The following LNX2 variants were observed in gnomAD, a reference collection of about 807,000 sequenced individuals.
LNX2 encodes the protein ligand of Numb protein X 2.
LNX2 carries 35 observed loss-of-function variants against 66.2 expected under a neutral mutation model. The observed-to-expected ratio is 0.53, with a 90% CI of 0.40 to 0.70. The LOEUF is 0.70. Among genes scored for constraint, LNX2 ranks in the 30% least tolerant of loss-of-function variants. The probability of loss-of-function intolerance (pLI) is 0.00; values close to 1 mark genes in which losing one functional copy is unlikely to be tolerated. For synonymous variants in LNX2, 337 were observed against 315.6 expected (o/e 1.07, Z -0.72); for missense variants, 791 against 850.8 (o/e 0.93, Z 0.87).
chr13:27,569,251 C>T lies in LNX2; in HGVS notation c.433G>A (p.Val145Ile), dbSNP rs61751716. 5.4e-3 allele frequency: 8,743 copies of T among 1,613,002 alleles called. 32 individuals are homozygous for T. Among genetic ancestry groups the T allele is most frequent in the Non-Finnish European group, 6.6e-3 (7,792 of 1,179,546 alleles). Reference protein sequence around the residue: ...NRCPGASHRRVALERRKTSRT... With the variant: ...NRCPGASHRRIALERRKTSRT... ...CTAGTTTTCCTTCTCTCCAGGGCAA[C>T]TCTCCGATGAGAAGCTCCAGGACAT... Residue 145 changes from valine (V) to isoleucine (I), a missense_variant, in exon 3 of 10, where the codon GTT becomes ATT. Physicochemically the swap from Val to Ile is conservative, Grantham distance 29. Transcript: ENST00000316334.
Position 27,577,504 on chromosome 13 carries a change from T to C in LNX2, c.407+3793A>G, listed in dbSNP as rs190963454. Among the ~76,000 whole-genome samples, 398 of 152,210 alleles carry C rather than the reference T, an allele frequency of 2.6e-3. 2 individuals carry two copies. Among genetic ancestry groups the C allele is most frequent in the South Asian group, 9.3e-3 (45 of 4,816 alleles). On this transcript the variant is annotated intron_variant, in intron 2 of 9. Coordinates refer to ENST00000316334, the MANE Select transcript of LNX2 (RefSeq NM_153371.4). ...CACACGGGAAGAAGAATAATTGTCT[T>C]GGTCCACACATAAAATACACTAACA...
intron 1 of LNX2, among the ~76,000 whole-genome samples, chr13:27,586,876 C>A (rs928685918): frequency 6.6e-6 from 1 of 152,148 alleles, no homozygotes; most frequent in Non-Finnish European, 1.5e-5. Flanking sequence ...TCTTGAAAAA[C>A]AGCCAGTGCA....
At position 27,559,874 on chromosome 13, in the gene LNX2, G is replaced by A. The variant is rs563661536; in HGVS notation, c.1336C>T (p.Pro446Ser). The change falls in exon 6 of 10, where the codon CCA becomes TCA. Residue 446 changes from proline to serine, a missense_variant. Physicochemically the swap from Pro to Ser is moderately conservative, Grantham distance 74. Transcript: ENST00000316334. ...HSSSSQHHTP[P>S]PYYSRPSSHK... The stretch of plus-strand genomic sequence containing the variant: ...GAGCTTGGTCTGCTATAATACGGTG[G>A]TGGTGTGTGGTGCTGGCTGCTGCTG... 1.9e-6 allele frequency: 3 copies of A among 1,608,692 alleles called. No homozygotes were observed. In the South Asian group the frequency reaches 3.3e-5, roughly 18 times the overall value.
intron 1 of LNX2, among the ~76,000 whole-genome samples, chr13:27,585,759 T>C (rs1402513434): frequency 6.6e-6 from 1 of 151,840 alleles, no homozygotes; most frequent in Admixed American, 6.6e-5. Context: ...CTCTTTGTGA[T>C]AGTGTTTATT....
chr13:27,608,769 G>C (rs1173182638), intron 1 of LNX2, among the ~76,000 whole-genome samples: 2 of 139,808 alleles, frequency 1.4e-5, no homozygotes, highest in Non-Finnish European at 3.2e-5. Context: ...ATAAATCCTA[G>C]TGTACTTAGA....
intron 2 of LNX2, among the ~76,000 whole-genome samples, chr13:27,575,957 A>T (rs1204996329): frequency 6.6e-6 from 1 of 152,200 alleles, no homozygotes; most frequent in Non-Finnish European, 1.5e-5. Flanking sequence ...CAAACAGCAA[A>T]ATGGCAAATG....
chr13:27,608,521 T>C (rs940091280), intron 1 of LNX2, among the ~76,000 whole-genome samples: 12 of 152,208 alleles, frequency 7.9e-5, no homozygotes, highest in Admixed American at 1.3e-4. Context: ...TAAGCATGTA[T>C]TAATTTTAAA....
intron 2 of LNX2, among the ~76,000 whole-genome samples, chr13:27,579,076 C>T (rs1189942280): frequency 6.6e-6 from 1 of 152,178 alleles, no homozygotes; most frequent in Non-Finnish European, 1.5e-5. Context: ...TACAACCCGG[C>T]ATTAGATTCT....
chr13:27,582,238 A>G (rs947970818), intron 1 of LNX2, among the ~76,000 whole-genome samples: 1 of 151,988 alleles, frequency 6.6e-6, no homozygotes, highest in African/African-American at 2.4e-5. Context: ...TCCATGGTGG[A>G]AAGCCCAGGG....
intron 8 of LNX2, among the ~76,000 whole-genome samples, chr13:27,553,006 A>T (rs1190620604): frequency 6.6e-6 from 1 of 152,228 alleles, no homozygotes. Context: ...GAATGGACAC[A>T]ACTGCTTTCT....
At chr13:27,584,375 A>G (rs1593253690) in intron 1 of LNX2, among the ~76,000 whole-genome samples, 1 of 145,054 alleles carries the variant, frequency 6.9e-6, no homozygotes, top group Middle Eastern at 3.6e-3. Flanking sequence ...ATATGGTAGG[A>G]CCCTGTCTCT....
At chr13:27,585,357 G>A (rs1368303363) in intron 1 of LNX2, among the ~76,000 whole-genome samples, 6 of 151,968 alleles carry the variant, frequency 3.9e-5, no homozygotes, top group Non-Finnish European at 8.8e-5. Context: ...GGGAGGCGGA[G>A]CTTGCAGTGA....
Position 27,547,367 on chromosome 13 carries a change from T to C in LNX2, c.*968A>G, listed in dbSNP as rs1364844735. The C allele has an allele frequency of 6.6e-6, 1 of 152,232 alleles. No individual in the cohort carries two copies. Among genetic ancestry groups the C allele is most frequent in the Non-Finnish European group, 1.5e-5 (1 of 68,036 alleles). 9.4% of individuals were successfully genotyped at this position (152,232 alleles called of 1,614,324 possible). A position where few individuals can be genotyped will look rare whatever the true frequency, so the allele number is the denominator to read the frequency against. On this transcript the variant is annotated 3_prime_UTR_variant, in exon 10 of 10. Transcript: ENST00000316334. ...ACCATCTCTAACATTAAGTTATAAT[T>C]ATCATCCAAATTCCTTTGTAACTGG...
chr13:27,585,601 C>A (rs1368214140), intron 1 of LNX2, among the ~76,000 whole-genome samples: 1 of 152,094 alleles, frequency 6.6e-6, no homozygotes, highest in Non-Finnish European at 1.5e-5. Flanking sequence ...AGTGCAAGTA[C>A]ATGAGATTAA....
Position 27,581,324 on chromosome 13 carries a change from C to T in LNX2, c.380G>A (p.Cys127Tyr). The T allele has an allele frequency of 6.6e-7, 1 of 1,507,148 alleles. No individual in the cohort carries two copies. The highest frequency in any genetic ancestry group is 8.9e-7 in the Non-Finnish European group (1 of 1,125,590). 93.4% of individuals were successfully genotyped at this position (1,507,148 alleles called of 1,614,324 possible). Residue 127 changes from cysteine to tyrosine, a missense_variant, in exon 2 of 10, where the codon TGT (cysteine) becomes TAT (tyrosine). Physicochemically the swap from Cys to Tyr is radical, Grantham distance 194. Coordinates refer to ENST00000316334, the MANE Select transcript of LNX2 (RefSeq NM_153371.4). ...SSVCKDVMQR[C>Y]DLEAHLKNRC... Reference sequence around the variant, plus strand: ...GTTTTTGAGATGTGCCTCCAGATCACAACGTTGCATTACATCTTTGCACAC... The same window carrying T: ...GTTTTTGAGATGTGCCTCCAGATCATAACGTTGCATTACATCTTTGCACAC...
intron 1 of LNX2, among the ~76,000 whole-genome samples, chr13:27,583,208 G>GTCCTCTCCAATATAACTT (rs1566124667): frequency 0.036 from 656 of 18,034 alleles, 109 homozygotes; most frequent in Middle Eastern, 0.071. Context: ...GTGTGTGTGT[G>GTCCTCTCCAATATAACTT]TGTGTGTGTG....
chr13:27,563,993 T>C (rs1593242792), intron 4 of LNX2, among the ~76,000 whole-genome samples: 1 of 152,242 alleles, frequency 6.6e-6, no homozygotes, highest in Admixed American at 6.5e-5. Flanking sequence ...AGTTCTATTA[T>C]ATTTAGAAAG....
chr13:27,566,769 A>G (rs1354096491), intron 4 of LNX2, among the ~76,000 whole-genome samples: 2 of 152,170 alleles, frequency 1.3e-5, no homozygotes, highest in Admixed American at 1.3e-4. Flanking sequence ...ATCCAAGGAG[A>G]GAGAGGAGTC....
intron 2 of LNX2, 77 bp from the exon 3 acceptor site, chr13:27,569,353 A>C: frequency 6.7e-7 from 1 of 1,486,794 alleles, no homozygotes; most frequent in South Asian, 1.3e-5. Flanking sequence ...GGGGACTAAT[A>C]GCTTCTACAC....
Sources: allele counts gnomAD v4.1 joint callset (sites outside exome capture counted in the v4.1 genomes callset), GRCh38; gene constraint gnomAD v4.1.1; transcripts MANE v1.5; gene names NCBI Gene and HGNC (gene_info 2026-07-23, HGNC 2026-07-21).